TMEM132C: variants seen among roughly 807,000 people sequenced by gnomAD.
TMEM132C encodes the protein transmembrane protein 132C, also known as protein phosphatase 1, regulatory subunit 152.
A neutral mutation model predicts 61.4 loss-of-function variants in TMEM132C; 29 were observed. The ratio of observed to expected loss-of-function variants is 0.47; its 90% CI spans 0.35 to 0.64. The LOEUF (loss-of-function observed/expected upper bound fraction) is 0.64, where lower values mean the gene tolerates loss of function less well. TMEM132C is among the 30% of genes least tolerant of loss of function. The probability of loss-of-function intolerance (pLI) is 0.00; values close to 1 mark genes in which losing one functional copy is unlikely to be tolerated. For synonymous variants in TMEM132C, 656 were observed against 633.1 expected (o/e 1.04, Z -0.54); for missense variants, 1,408 against 1,476.9 (o/e 0.95, Z 0.76).
chr12:128,477,783 T>C (rs1871198213), intron 2 of TMEM132C, among the ~76,000 whole-genome samples: 1 of 152,188 alleles, frequency 6.6e-6, no homozygotes, highest in Non-Finnish European at 1.5e-5. Flanking sequence ...GGTTTCACCA[T>C]ATTGGCCAGG....
At chr12:128,595,810 C>T (rs1194220287) in intron 3 of TMEM132C, among the ~76,000 whole-genome samples, 3 of 152,296 alleles carry the variant, frequency 2.0e-5, no homozygotes, top group South Asian at 2.1e-4. Flanking sequence ...TCACACTGAC[C>T]GTACAGAATG....
At chr12:128,274,195 C>T (rs1009060166) in intron 1 of TMEM132C, among the ~76,000 whole-genome samples, 11 of 152,144 alleles carry the variant, frequency 7.2e-5, no homozygotes, top group East Asian at 3.8e-4. Flanking sequence ...ACAATGTGTA[C>T]GCATTTTTTC....
chr12:128,281,899 C>T (rs1037694985), intron 1 of TMEM132C, among the ~76,000 whole-genome samples: 7 of 152,178 alleles, frequency 4.6e-5, no homozygotes, highest in African/African-American at 1.7e-4. Context: ...CTCTAGGTAC[C>T]CAGCCTCATT....
intron 2 of TMEM132C, among the ~76,000 whole-genome samples, chr12:128,451,607 C>T (rs930980029): frequency 6.6e-6 from 1 of 152,108 alleles, no homozygotes; most frequent in Non-Finnish European, 1.5e-5. Context: ...AAATGTATTG[C>T]GACACTGACT....
intron 2 of TMEM132C, among the ~76,000 whole-genome samples, chr12:128,417,560 G>C: frequency 6.6e-6 from 1 of 152,188 alleles, no homozygotes; most frequent in Non-Finnish European, 1.5e-5. Flanking sequence ...CTTACAGCCT[G>C]TGTGTTGGTA....
At chr12:128,552,790 C>T (rs1178013215) in intron 3 of TMEM132C, among the ~76,000 whole-genome samples, 1 of 152,112 alleles carries the variant, frequency 6.6e-6, no homozygotes, top group Non-Finnish European at 1.5e-5. Flanking sequence ...TGCCTGTAAT[C>T]CCAGCTACTC....
chr12:128,295,886 C>T (rs148310404), intron 1 of TMEM132C, among the ~76,000 whole-genome samples: 41 of 152,272 alleles, frequency 2.7e-4, no homozygotes, highest in African/African-American at 9.9e-4. Flanking sequence ...TCTGCTCTGT[C>T]ATTTCTTGAA....
At chr12:128,628,220 A>G (rs570459787) in intron 4 of TMEM132C, among the ~76,000 whole-genome samples, 36 of 152,216 alleles carry the variant, frequency 2.4e-4, no homozygotes, top group African/African-American at 8.4e-4. Context: ...CCTCACAGTA[A>G]CAGCCTTGAA....
intron 1 of TMEM132C, among the ~76,000 whole-genome samples, chr12:128,338,329 C>G (rs1047919868): frequency 6.6e-6 from 1 of 152,138 alleles, no homozygotes; most frequent in Non-Finnish European, 1.5e-5. Context: ...GCGTGCCTTC[C>G]GATTAGTGGA....
chr12:128,309,944 C>T (rs192821056), intron 1 of TMEM132C, among the ~76,000 whole-genome samples: 1 of 152,268 alleles, frequency 6.6e-6, no homozygotes, highest in East Asian at 1.9e-4. Flanking sequence ...CCATGTTTGC[C>T]AGGCTGGTCT....
chr12:128,411,747 T>C (rs1379929260), intron 1 of TMEM132C, among the ~76,000 whole-genome samples: 3 of 152,218 alleles, frequency 2.0e-5, no homozygotes, highest in Non-Finnish European at 4.4e-5. Flanking sequence ...AACATCTATG[T>C]ACATACACAT....
chr12:128,678,842 C>A (rs771462905), intron 5 of TMEM132C, among the ~76,000 whole-genome samples: 1 of 152,152 alleles, frequency 6.6e-6, no homozygotes. Context: ...CGCCCTAGGC[C>A]GAGCAGACAC....
At chr12:128,594,291 A>G (rs1046287252) in intron 3 of TMEM132C, among the ~76,000 whole-genome samples, 1 of 151,910 alleles carries the variant, frequency 6.6e-6, no homozygotes, top group Non-Finnish European at 1.5e-5. Context: ...AGCATCACTC[A>G]GTGCTGAGCC....
rs747983156 is a variant in TMEM132C at position 128,595,461 on chromosome 12, T to G, written c.1122-20691T>G. Among the ~76,000 whole-genome samples, 16 of 152,114 alleles carry G rather than the reference T, an allele frequency of 1.1e-4. 1 individual carries two copies. The highest frequency in any genetic ancestry group is 1.5e-4 in the Non-Finnish European group (10 of 68,026). On this transcript the variant is annotated intron_variant, in intron 3 of 8. Transcript: ENST00000435159. The stretch of plus-strand genomic sequence containing the variant: ...CCATCTTACCATACCCGCTGTTCAC[T>G]AAGGGGGGAAGCTGGGCCCAGGGAG...
At chr12:128,291,225 G>T (rs1222923001) in intron 1 of TMEM132C, among the ~76,000 whole-genome samples, 4 of 152,218 alleles carry the variant, frequency 2.6e-5, no homozygotes, top group Non-Finnish European at 5.9e-5. Context: ...ATCTATAGAG[G>T]TGTTGCAAAC....
intron 2 of TMEM132C, among the ~76,000 whole-genome samples, chr12:128,511,120 A>G (rs1872550997): frequency 6.6e-6 from 1 of 152,166 alleles, no homozygotes; most frequent in East Asian, 1.9e-4. Context: ...GATTTCTGCA[A>G]TTGATTTGTG....
chr12:128,540,888 C>T (rs1873714005), intron 2 of TMEM132C, among the ~76,000 whole-genome samples: 1 of 152,160 alleles, frequency 6.6e-6, no homozygotes, highest in Admixed American at 6.5e-5. Flanking sequence ...CTCCCCACTG[C>T]TGATACCAAC....
chr12:128,381,993 C>T (rs548134316), intron 1 of TMEM132C, among the ~76,000 whole-genome samples: 16 of 151,992 alleles, frequency 1.1e-4, no homozygotes, highest in Admixed American at 4.6e-4. Context: ...GAAGACCCTT[C>T]GCAACACTCC....
At position 128,693,982 on chromosome 12, in the gene TMEM132C, A is replaced by T. The variant is rs1473649706; in HGVS notation, c.1603A>T (p.Thr535Ser). The T allele has an allele frequency of 5.2e-6, 8 of 1,551,764 alleles. No individual in the cohort carries two copies. In the East Asian group the frequency reaches 2.0e-4, roughly 38 times the overall value. Reference sequence around the variant, plus strand: ...GCCCCTGCAGATCGAGGTCTCTGACACGGAGCTCAGCCAGATAAAGGGCTG... The same window carrying T: ...GCCCCTGCAGATCGAGGTCTCTGACTCGGAGCTCAGCCAGATAAAGGGCTG... ...RLPLQIEVSDTELSQIKGWRV... is the reference protein window; with the variant it reads ...RLPLQIEVSDSELSQIKGWRV... Residue 535 changes from threonine (T) to serine (S), a missense_variant, in exon 6 of 9, where the codon ACG (threonine) becomes TCG (serine). Transcript: ENST00000435159.
Sources: allele counts gnomAD v4.1 joint callset (sites outside exome capture counted in the v4.1 genomes callset), GRCh38; gene constraint gnomAD v4.1.1; transcripts MANE v1.5; gene names NCBI Gene and HGNC (gene_info 2026-07-23, HGNC 2026-07-21).